The following STS variants were observed in gnomAD, a reference collection of about 807,000 sequenced individuals.
The protein encoded by STS is steryl-sulfatase.
A neutral mutation model predicts 26.8 loss-of-function variants in STS; 7 were observed. The ratio of observed to expected loss-of-function variants is 0.26; its 90% CI spans 0.15 to 0.49. STS has a LOEUF of 0.49. Among genes scored for constraint, STS ranks in the 20% least tolerant of loss-of-function variants. The pLI is 0.98. For synonymous variants in STS, 199 were observed against 189.4 expected, an observed-to-expected ratio of 1.05 and a Z score of -0.42; for missense variants, 434 against 465.6, an observed-to-expected ratio of 0.93 and a Z score of 0.63.
chrX:7,336,381 T>C (rs775943717), intron 10 of STS, among the ~76,000 whole-genome samples: 24 of 111,335 alleles, frequency 2.2e-4, no homozygotes, highest in Middle Eastern at 4.6e-3. Context: ...CCAAGACTTA[T>C]CATTTAAAGA....
intron 2 of STS, among the ~76,000 whole-genome samples, chrX:7,215,196 C>T (rs970565817): frequency 1.9e-5 from 2 of 103,105 alleles, no homozygotes; most frequent in Non-Finnish European, 3.9e-5. Flanking sequence ...GATTGATGGG[C>T]ATTTGGGCTG....
chrX:7,286,052 C>T (rs1366638704), intron 7 of STS, among the ~76,000 whole-genome samples: 1 of 112,095 alleles, frequency 8.9e-6, no homozygotes, highest in East Asian at 2.8e-4. Flanking sequence ...ACAAATTGGG[C>T]TTTATTTTCA....
At chrX:7,318,213 G>A (rs1354738803) in intron 8 of STS, among the ~76,000 whole-genome samples, 1 of 111,786 alleles carries the variant, frequency 8.9e-6, no homozygotes, top group Non-Finnish European at 1.9e-5. Flanking sequence ...CTGAATGAAT[G>A]AAGCATCCCG....
At chrX:7,307,616 G>A (rs1420087201) in intron 8 of STS, among the ~76,000 whole-genome samples, 1 of 111,959 alleles carries the variant, frequency 8.9e-6, no homozygotes, top group East Asian at 2.8e-4. Context: ...CCCAAAGAAG[G>A]GCGCCCACAG....
intron 7 of STS, among the ~76,000 whole-genome samples, chrX:7,293,120 A>G (rs1174039758): frequency 8.9e-6 from 1 of 111,827 alleles, no homozygotes; most frequent in Non-Finnish European, 1.9e-5. Context: ...CACTAGTTCA[A>G]TGCAACAAGC....
intron 7 of STS, among the ~76,000 whole-genome samples, chrX:7,281,496 A>G (rs1353336952): frequency 8.9e-6 from 1 of 111,990 alleles, no homozygotes; most frequent in Non-Finnish European, 1.9e-5. Context: ...TGGTGAATTC[A>G]TGAGATGAGC....
intron 2 of STS, among the ~76,000 whole-genome samples, chrX:7,251,399 A>G (rs1191581133): frequency 8.9e-6 from 1 of 111,907 alleles, no homozygotes; most frequent in African/African-American, 3.2e-5. Flanking sequence ...CACCATGTGC[A>G]CTGGCCTTGA....
At chrX:7,193,424 C>A (rs1036304076) in intron 2 of STS, among the ~76,000 whole-genome samples, 3 of 105,528 alleles carry the variant, frequency 2.8e-5, no homozygotes, top group African/African-American at 1.0e-4. Flanking sequence ...GGAAACTGTA[C>A]ATTTTGCAGG....
At chrX:7,297,498 C>T (rs1312010701) in intron 7 of STS, among the ~76,000 whole-genome samples, 3 of 111,635 alleles carry the variant, frequency 2.7e-5, no homozygotes, top group African/African-American at 9.8e-5. Flanking sequence ...ATCACATTTG[C>T]TTACTTTTCC....
At chrX:7,240,553 A>ATAT (rs1922567305) in intron 2 of STS, among the ~76,000 whole-genome samples, 8 of 92,031 alleles carry the variant, frequency 8.7e-5, no homozygotes, top group African/African-American at 2.4e-4. Flanking sequence ...ATATATATAT[A>ATAT]AAATGGATCC....
intron 7 of STS, among the ~76,000 whole-genome samples, chrX:7,279,290 A>AT (rs1402728154): frequency 2.6e-3 from 161 of 62,334 alleles, no homozygotes; most frequent in Admixed American, 7.9e-3. Context: ...AAAAAAAAAA[A>AT]AAATATATAT....
chrX:7,340,039 A>T (rs1342548624), intron 10 of STS, among the ~76,000 whole-genome samples: 2 of 102,573 alleles, frequency 1.9e-5, no homozygotes, highest in Admixed American at 1.1e-4. Flanking sequence ...TCAAAATTGA[A>T]TTTTCTTTCT....
chrX:7,197,577 T>C (rs1933994077), intron 2 of STS, among the ~76,000 whole-genome samples: 1 of 112,226 alleles, frequency 8.9e-6, no homozygotes, highest in Non-Finnish European at 1.9e-5. Flanking sequence ...CAAGTGTTTG[T>C]GATAAAGGAT....
intron 1 of STS, among the ~76,000 whole-genome samples, chrX:7,159,670 A>G (rs972750581): frequency 1.8e-5 from 2 of 111,960 alleles, no homozygotes; most frequent in African/African-American, 6.5e-5. Context: ...CAATAGGTGA[A>G]TAAGAATTGC....
intron 1 of STS, among the ~76,000 whole-genome samples, chrX:7,184,570 A>G (rs977115807): frequency 4.3e-4 from 48 of 111,724 alleles, no homozygotes; most frequent in African/African-American, 1.5e-3. Context: ...AATTCAGGGT[A>G]TTTCCACAGT....
intron 2 of STS, among the ~76,000 whole-genome samples, chrX:7,228,196 A>G (rs1448633163): frequency 1.8e-5 from 2 of 111,506 alleles, no homozygotes; most frequent in Non-Finnish European, 3.8e-5. Flanking sequence ...AGGAGTGCAG[A>G]TATGTCTTTG....
At chrX:7,268,751 C>T (rs191259161) in intron 6 of STS, among the ~76,000 whole-genome samples, 141 of 111,558 alleles carry the variant, frequency 1.3e-3, no homozygotes, top group Middle Eastern at 4.6e-3. Context: ...GTGGCTCATG[C>T]CTGTAATCCT....
Position 7,350,006 on chromosome X carries a change from A to G in STS, c.1482A>G (p.Pro494=). 1.7e-6 allele frequency: 2 copies of G among 1,211,506 alleles called. No individual in the cohort carries two copies. The highest frequency in any genetic ancestry group is 2.2e-6 in the Non-Finnish European group (2 of 895,399). The change falls in exon 11 of 11, where the codon CCA becomes CCG. Residue 494 remains proline, a synonymous_variant. Coordinates refer to ENST00000674429, the MANE Select transcript of STS (RefSeq NM_001320752.2). ...CFGSYVTHHD[P]PLLFDISKDP... is the part of the protein sequence containing the mutation. ...GGAGTTATGTCACCCATCACGACCC[A>G]CCTTTACTCTTTGATATTTCCAAAG...
chrX:7,272,816 C>T (rs1924350627), intron 6 of STS, among the ~76,000 whole-genome samples: 1 of 111,315 alleles, frequency 9.0e-6, no homozygotes, highest in Non-Finnish European at 1.9e-5. Context: ...GCTCTGGTGT[C>T]GTGGAACACA....
Sources: allele counts gnomAD v4.1 joint callset (sites outside exome capture counted in the v4.1 genomes callset), GRCh38; gene constraint gnomAD v4.1.1; transcripts MANE v1.5; gene names NCBI Gene and HGNC (gene_info 2026-07-23, HGNC 2026-07-21).